PRICKLE2: variants seen among roughly 807,000 people sequenced by gnomAD.
PRICKLE2 encodes prickle-like protein 2.
Under a neutral mutation model 81.4 loss-of-function variants are expected in PRICKLE2, and 21 were observed. The ratio of observed to expected loss-of-function variants is 0.26; its 90% CI spans 0.18 to 0.37. The LOEUF is 0.37. PRICKLE2 is among the 10% of genes least tolerant of loss of function. The pLI is 1.00. For missense variants in PRICKLE2, 940 were observed against 1,109.0 expected (o/e 0.85, Z 2.16); for synonymous variants, 456 against 421.5 (o/e 1.08, Z -1.00).
Position 64,157,218 on chromosome 3 carries a change from A to AT in PRICKLE2, c.543dup (p.Tyr182IlefsTer8). The AT allele has an allele frequency of 6.2e-7, 1 of 1,614,222 alleles. No individual in the cohort carries two copies. The highest frequency in any genetic ancestry group is 8.5e-7 in the Non-Finnish European group (1 of 1,180,034). On this transcript the variant is annotated frameshift_variant, in exon 5 of 8. Coordinates refer to ENST00000638394, the MANE Select transcript of PRICKLE2 (RefSeq NM_198859.4). LOFTEE classifies it high-confidence loss of function. Reference sequence around the variant, plus strand: ...CACTCAGCATGGTGCCTGCCACAGTATATCTTCCCATCTTGGTAAAAGTAG... The same window carrying AT: ...CACTCAGCATGGTGCCTGCCACAGTATTATCTTCCCATCTTGGTAAAAGTAG...
At chr3:64,232,022 C>A (rs1226760510) in intron 2 of PRICKLE2, among the ~76,000 whole-genome samples, 1 of 152,184 alleles carries the variant, frequency 6.6e-6, no homozygotes, top group Non-Finnish European at 1.5e-5. Flanking sequence ...TTATTAAAAA[C>A]AGAAAAACAC....
At position 64,099,129 on chromosome 3, in the gene PRICKLE2, G is replaced by C. The variant is rs1324717403; in HGVS notation, c.2457C>G (p.Pro819=). The change falls in exon 8 of 8, where the codon CCC becomes CCG. Residue 819 remains proline (P), a synonymous_variant. Transcript: ENST00000638394. The surrounding 1 kb of genome is among the most constrained non-coding windows in gnomAD (Gnocchi z 4.3). Reference sequence around the variant, plus strand: ...CTCTGCCACCTAATGTGGAAGATTTGGGGAGGCCGTAGGAGCTGTATTTGT... The same window carrying C: ...CTCTGCCACCTAATGTGGAAGATTTCGGGAGGCCGTAGGAGCTGTATTTGT... ...LLHKYSSYGL[P]KSSTLGGRGQ... is the part of the protein sequence containing the mutation. 7 of 1,614,194 alleles carry C rather than the reference G, an allele frequency of 4.3e-6. No homozygotes were observed. Among genetic ancestry groups the C allele is most frequent in the Non-Finnish European group, 5.9e-6 (7 of 1,180,028 alleles).
chr3:64,262,007 T>G (rs1326031969), intron 2 of PRICKLE2, among the ~76,000 whole-genome samples: 6 of 152,212 alleles, frequency 3.9e-5, no homozygotes, highest in Non-Finnish European at 8.8e-5. Context: ...GAGATATGTA[T>G]CTTTTCTATC....
chr3:64,219,176 A>G (rs1185098081), intron 1 of PRICKLE2, among the ~76,000 whole-genome samples: 1 of 152,228 alleles, frequency 6.6e-6, no homozygotes, highest in African/African-American at 2.4e-5. Context: ...AGAGTGGCCA[A>G]CAGTGCAAAT....
intron 2 of PRICKLE2, among the ~76,000 whole-genome samples, chr3:64,175,500 G>C (rs985123912): frequency 6.6e-6 from 1 of 152,068 alleles, no homozygotes; most frequent in African/African-American, 2.4e-5. Flanking sequence ...AACAAGCATT[G>C]CAAGCTTCTG....
chr3:64,101,403 A>AG (rs2076659685), intron 7 of PRICKLE2: 1 of 152,244 alleles, frequency 6.6e-6, no homozygotes, highest in Non-Finnish European at 1.5e-5. Context: ...TCCAGGATAA[A>AG]GGCAAGGAAA....
intron 7 of PRICKLE2, among the ~76,000 whole-genome samples, chr3:64,117,360 C>A (rs2076952432): frequency 6.6e-6 from 1 of 151,994 alleles, no homozygotes; most frequent in African/African-American, 2.4e-5. Context: ...GGCAATCAGG[C>A]AAGAGAAAGA....
At chr3:64,212,465 G>C (rs1002789538) in intron 1 of PRICKLE2, among the ~76,000 whole-genome samples, 1 of 152,160 alleles carries the variant, frequency 6.6e-6, no homozygotes, top group Non-Finnish European at 1.5e-5. Context: ...TCAAGGCAAG[G>C]ATCAGAAGAC....
chr3:64,161,107 G>C (rs1364626341), intron 3 of PRICKLE2, among the ~76,000 whole-genome samples: 1 of 136,234 alleles, frequency 7.3e-6, no homozygotes, highest in Non-Finnish European at 1.7e-5. Context: ...AAAAGTGGAG[G>C]CCAGTGTGAG....
intron 2 of PRICKLE2, among the ~76,000 whole-genome samples, chr3:64,198,033 A>G (rs1315857808): frequency 6.6e-6 from 1 of 151,794 alleles, no homozygotes; most frequent in Admixed American, 6.6e-5. Context: ...ATCATGGTGA[A>G]ACCCCATCTC....
Position 64,099,200 on chromosome 3 carries a change from G to A in PRICKLE2, c.2386C>T (p.Pro796Ser). The A allele has an allele frequency of 1.2e-6, 2 of 1,614,226 alleles. No individual in the cohort carries two copies. The highest frequency in any genetic ancestry group is 1.7e-6 in the Non-Finnish European group (2 of 1,180,048). The change falls in exon 8 of 8, where the codon CCC becomes TCC. Residue 796 changes from proline (P) to serine (S), a missense_variant. Physicochemically the swap from Pro to Ser is moderately conservative, Grantham distance 74. Around this residue, in one of 2 missense-constraint regions of PRICKLE2, gnomAD observed 670 missense variants for 717.2 expected, o/e 0.93. Transcript: ENST00000638394. The surrounding 1 kb of genome is among the most constrained non-coding windows in gnomAD (Gnocchi z 4.3). Reference sequence around the variant, plus strand: ...ACGTATCGCAGGCGCGCTGGCTGGGGGATGGGTTCTCCTAGGAAATAGCCC... The same window carrying A: ...ACGTATCGCAGGCGCGCTGGCTGGGAGATGGGTTCTCCTAGGAAATAGCCC... Reference protein sequence around the residue: ...NEGYFLGEPIPQPARLRYVTS... With the variant: ...NEGYFLGEPISQPARLRYVTS...
chr3:64,110,652 C>A (rs1372330429), intron 7 of PRICKLE2, among the ~76,000 whole-genome samples: 1 of 151,996 alleles, frequency 6.6e-6, no homozygotes, highest in Non-Finnish European at 1.5e-5. Context: ...GCCCACCCAG[C>A]CAAGGGCAGG....
intron 2 of PRICKLE2, among the ~76,000 whole-genome samples, chr3:64,179,500 A>C (rs2078089171): frequency 6.6e-6 from 1 of 152,204 alleles, no homozygotes; most frequent in African/African-American, 2.4e-5. Context: ...CATAGGATGC[A>C]AAAAAGTGGC....
At chr3:64,124,693 C>T (rs2077081191) in intron 7 of PRICKLE2, among the ~76,000 whole-genome samples, 1 of 152,164 alleles carries the variant, frequency 6.6e-6, no homozygotes, top group Non-Finnish European at 1.5e-5. Flanking sequence ...AGCAAATAAG[C>T]TTATAGCATG....
In PRICKLE2 at chr3:64,146,888, C is replaced by T. The variant is rs144757200; in HGVS notation, c.1602G>A (p.Thr534=). The change falls in exon 7 of 8, where the codon ACG becomes ACA. Residue 534 remains threonine (T), a synonymous_variant. Transcript: ENST00000638394. ...ISSLKYTEDM[T]PTEQTPRGSM... ...AGCCCCGAGGGGTCTGCTCTGTGGG[C>T]GTCATGTCCTCTGTGTATTTCAGGG... is the stretch of plus-strand genomic sequence containing the variant. The T allele has an allele frequency of 1.4e-4, 230 of 1,614,104 alleles. 2 individuals are homozygous for T. In the Middle Eastern group the frequency reaches 8.2e-3, roughly 58 times the overall value.
intron 7 of PRICKLE2, chr3:64,101,302 G>A (rs1405369770): frequency 1.3e-5 from 2 of 152,152 alleles, no homozygotes; most frequent in Non-Finnish European, 2.9e-5. Context: ...CAACTCAAAT[G>A]TCAATTATCA....
At chr3:64,189,955 G>C (rs153724) in intron 2 of PRICKLE2, among the ~76,000 whole-genome samples, 53,839 of 152,012 alleles carry the variant, frequency 0.35, 9,746 homozygotes, top group East Asian at 0.49. Context: ...TAGTTGGACT[G>C]TCCTGCCTTC....
intron 7 of PRICKLE2, among the ~76,000 whole-genome samples, chr3:64,116,943 T>G (rs1026366609): frequency 2.0e-5 from 3 of 152,014 alleles, no homozygotes; most frequent in Admixed American, 6.6e-5. Flanking sequence ...ATGCAAAAAT[T>G]CTTAAAAAAT....
At chr3:64,233,241 CTCTT>C (rs2079132150) in intron 2 of PRICKLE2, among the ~76,000 whole-genome samples, 1 of 148,232 alleles carries the variant, frequency 6.7e-6, no homozygotes, top group Non-Finnish European at 1.5e-5. Context: ...TCACCATCAA[CTCTT>C]GCCTCCTACC....
Sources: allele counts gnomAD v4.1 joint callset (sites outside exome capture counted in the v4.1 genomes callset), GRCh38; gene constraint gnomAD v4.1.1; regional missense constraint gnomAD v4.1.1; non-coding constraint Gnocchi (gnomAD v3.1); transcripts MANE v1.5; gene names NCBI Gene and HGNC (gene_info 2026-07-23, HGNC 2026-07-21).